The following AGAP1 variants were observed in gnomAD, a reference collection of about 807,000 sequenced individuals.
AGAP1 encodes arf-GAP with GTPase, ANK repeat and PH domain-containing protein 1.
Under a neutral mutation model 105.3 loss-of-function variants are expected in AGAP1, and 29 were observed. That is an observed-to-expected ratio of 0.28 (90% CI 0.21 to 0.38). The LOEUF is 0.38. Ranked by LOEUF, AGAP1 falls within the 10% of genes least tolerant of loss-of-function variation. The probability of loss-of-function intolerance (pLI) is 1.00; values close to 1 mark genes in which losing one functional copy is unlikely to be tolerated. For missense variants in AGAP1, 998 were observed against 1,165.1 expected, an observed-to-expected ratio of 0.86 and a Z score of 2.09; for synonymous variants, 509 against 485.9, an observed-to-expected ratio of 1.05 and a Z score of -0.63.
At chr2:235,975,411 G>A (rs188412055) in intron 13 of AGAP1, among the ~76,000 whole-genome samples, 5 of 152,236 alleles carry the variant, frequency 3.3e-5, no homozygotes, top group Admixed American at 1.3e-4. Flanking sequence ...GTAACCATCC[G>A]GTTAGATGGA....
chr2:236,068,797 CAAAAAAA>C (rs35724496), intron 16 of AGAP1, among the ~76,000 whole-genome samples: 11 of 57,592 alleles, frequency 1.9e-4, no homozygotes, highest in South Asian at 6.5e-4. Context: ...GACTCCGTCT[CAAAAAAA>C]AAAAAAAAAA....
intron 16 of AGAP1, among the ~76,000 whole-genome samples, chr2:236,091,840 G>A (rs922096964): frequency 3.9e-5 from 6 of 152,162 alleles, no homozygotes; most frequent in Admixed American, 1.3e-4. Flanking sequence ...GGCGTTGTTC[G>A]TAAGAGCCCA....
chr2:235,568,606 G>A (rs1170511548), intron 1 of AGAP1, among the ~76,000 whole-genome samples: 1 of 152,150 alleles, frequency 6.6e-6, no homozygotes, highest in Non-Finnish European at 1.5e-5. Context: ...CTGGCTCAGT[G>A]CCGGTTGTAA....
chr2:235,616,861 C>T (rs1283161634), intron 1 of AGAP1, among the ~76,000 whole-genome samples: 3 of 152,154 alleles, frequency 2.0e-5, no homozygotes, highest in Non-Finnish European at 4.4e-5. Flanking sequence ...TGTTGCTTCG[C>T]TGAAGTGAGG....
rs548454522 is a variant in AGAP1, at chr2:235,552,044, T to C, written c.163+57195T>C. Among the ~76,000 whole-genome samples the C allele has an allele frequency of 1.0e-3, 155 of 152,320 alleles. 2 individuals are homozygous for C. The highest frequency in any genetic ancestry group is 3.6e-3 in the African/African-American group (150 of 41,570). ...TTTTTCTCTGGTCCCTGCCACCTGC[T>C]GGAAGGAGCCTGCAGGGAACTGTTT... On this transcript the variant is annotated intron_variant, in intron 1 of 17. Transcript: ENST00000304032. The surrounding 1 kb of genome is among the most constrained non-coding windows in gnomAD (Gnocchi z 5.9).
rs1034620846 is a variant in AGAP1, at chr2:235,908,222, C to G, written c.1156-516C>G. ...CCAAGGCCTAGAAAGCCAGATACCC[C>G]TTGGACATCTTCCTGGTTCTTAGCA... On this transcript the variant is annotated intron_variant, in intron 10 of 17. Transcript: ENST00000304032. The surrounding 1 kb of genome is among the most constrained non-coding windows in gnomAD (Gnocchi z 4.4). Among the ~76,000 whole-genome samples, 26 of 152,176 alleles carry G rather than the reference C, an allele frequency of 1.7e-4. No individual in the cohort carries two copies. Among genetic ancestry groups the G allele is most frequent in the African/African-American group, 6.3e-4 (26 of 41,444 alleles).
In AGAP1 at chr2:235,599,818, C is replaced by T. The variant is rs187886009; in HGVS notation, c.163+104969C>T. Among the ~76,000 whole-genome samples, 7 of 152,314 alleles carry T rather than the reference C, an allele frequency of 4.6e-5. No homozygotes were observed. Among genetic ancestry groups the T allele is most frequent in the Admixed American group, 2.6e-4 (4 of 15,304 alleles). On this transcript the variant is annotated intron_variant, in intron 1 of 17. Coordinates refer to ENST00000304032, the MANE Select transcript of AGAP1 (RefSeq NM_001037131.3). The surrounding 1 kb of genome is among the most constrained non-coding windows in gnomAD (Gnocchi z 5.3). ...CAGGGCTGGGAAGATGAGCAGGGAT[C>T]CTGGGATGTGATGGCACGGTCAGTC...
chr2:235,601,751 G>A lies in AGAP1; in HGVS notation c.163+106902G>A, dbSNP rs1225826845. On this transcript the variant is annotated intron_variant, in intron 1 of 17. Transcript: ENST00000304032. The surrounding 1 kb of genome is among the most constrained non-coding windows in gnomAD (Gnocchi z 4.4). Reference sequence around the variant, plus strand: ...TCACACTTGTAATCTCAGTGCTGAGGCGGGAGGATCACTGGAGGCCAGGAG... The same window carrying A: ...TCACACTTGTAATCTCAGTGCTGAGACGGGAGGATCACTGGAGGCCAGGAG... Among the ~76,000 whole-genome samples the A allele has an allele frequency of 6.6e-6, 1 of 152,176 alleles. No individual in the cohort carries two copies. The highest frequency in any genetic ancestry group is 6.5e-5 in the Admixed American group (1 of 15,272).
At position 235,732,413 on chromosome 2, in the gene AGAP1, AT is replaced by A. The variant is rs1471112671; in HGVS notation, c.311-8546del. Among the ~76,000 whole-genome samples the A allele has an allele frequency of 1.3e-5, 2 of 151,948 alleles. No homozygotes were observed. The highest frequency in any genetic ancestry group is 4.8e-5 in the African/African-American group (2 of 41,354). ...TTGATCCTCAGATCTGGACGTTTCC[AT>A]TTTATCTCATATTGTTTCAAATTCT... On this transcript the variant is annotated intron_variant, in intron 3 of 17. Coordinates refer to ENST00000304032, the MANE Select transcript of AGAP1 (RefSeq NM_001037131.3). The surrounding 1 kb of genome is among the most constrained non-coding windows in gnomAD (Gnocchi z 4.8).
chr2:235,585,812 T>A (rs1212294647), intron 1 of AGAP1, among the ~76,000 whole-genome samples: 1 of 152,208 alleles, frequency 6.6e-6, no homozygotes, highest in East Asian at 1.9e-4. Flanking sequence ...CTTCTGCTGC[T>A]GTGTTGGCTC....
At chr2:235,774,208 C>T (rs1446428333) in intron 6 of AGAP1, 1 of 392,296 alleles carries the variant, frequency 2.5e-6, no homozygotes, top group Non-Finnish European at 5.1e-6. Context: ...TAAAGTATGG[C>T]ACATCTATAA....
In AGAP1 at chr2:235,685,678, G is replaced by A. The variant is rs530593119; in HGVS notation, c.164-23501G>A. Among the ~76,000 whole-genome samples, 11 of 151,974 alleles carry A rather than the reference G, an allele frequency of 7.2e-5. No individual in the cohort carries two copies. The South Asian group carries it at 1.9e-3, about 26-fold the overall frequency. On this transcript the variant is annotated intron_variant, in intron 1 of 17. Transcript: ENST00000304032. ...TCATGCCATATTGTTAGCACCTTTC[G>A]ATTTTTTTTACTGTAAAAATCAAAA...
At chr2:235,629,879 A>G (rs1277233784) in intron 1 of AGAP1, among the ~76,000 whole-genome samples, 28 of 151,214 alleles carry the variant, frequency 1.9e-4, no homozygotes, top group Non-Finnish European at 1.0e-4. Context: ...AAAAAAAAAA[A>G]AAAAGAAAGA....
intron 9 of AGAP1, among the ~76,000 whole-genome samples, chr2:235,836,136 T>G (rs545313468): frequency 1.3e-5 from 2 of 152,352 alleles, no homozygotes; most frequent in African/African-American, 4.8e-5. Flanking sequence ...ATTAACAAAT[T>G]GATTTACATA....
At chr2:235,749,312 A>G (rs1416431976) in intron 5 of AGAP1, among the ~76,000 whole-genome samples, 2 of 151,240 alleles carry the variant, frequency 1.3e-5, no homozygotes, top group African/African-American at 2.4e-5. Context: ...TCCACGTGCC[A>G]CTGTAACTCA....
Position 235,990,484 on chromosome 2 carries a change from G to A in AGAP1, c.1645+21861G>A, listed in dbSNP as rs73118073. Among the ~76,000 whole-genome samples, 1,007 of 152,352 alleles carry A rather than the reference G, an allele frequency of 6.6e-3. 13 individuals carry two copies. The highest frequency in any genetic ancestry group is 0.023 in the African/African-American group (950 of 41,592). On this transcript the variant is annotated intron_variant, in intron 13 of 17. Transcript: ENST00000304032. ...GTCACTCGTGTGTTTGATGGTTGAT[G>A]CTGCCTGTTGGGTGGGACCTAAGCT...
chr2:235,979,547 C>T lies in AGAP1; in HGVS notation c.1645+10924C>T, dbSNP rs1165468980. Among the ~76,000 whole-genome samples the T allele has an allele frequency of 1.3e-5, 2 of 152,198 alleles. No individual in the cohort carries two copies. Among genetic ancestry groups the T allele is most frequent in the Admixed American group, 6.5e-5 (1 of 15,282 alleles). Reference sequence around the variant, plus strand: ...CTGGCTTTCCACTCCACCCCTTTCTCATCTCAGACATACCATAGGCACCAA... The same window carrying T: ...CTGGCTTTCCACTCCACCCCTTTCTTATCTCAGACATACCATAGGCACCAA... On this transcript the variant is annotated intron_variant, in intron 13 of 17. Transcript: ENST00000304032. The surrounding 1 kb of genome is among the most constrained non-coding windows in gnomAD (Gnocchi z 4.5).
At chr2:235,562,583 A>C (rs189158797) in intron 1 of AGAP1, among the ~76,000 whole-genome samples, 1 of 152,094 alleles carries the variant, frequency 6.6e-6, no homozygotes, top group African/African-American at 2.4e-5. Flanking sequence ...TGGCAGACTC[A>C]GGACTATCTC....
At chr2:235,844,045 TCA>T (rs1961178344) in intron 9 of AGAP1, among the ~76,000 whole-genome samples, 2 of 152,082 alleles carry the variant, frequency 1.3e-5, no homozygotes, top group African/African-American at 4.8e-5. Context: ...CCACCCAGGC[TCA>T]GTCTTGGCCC....
Sources: allele counts gnomAD v4.1 joint callset (sites outside exome capture counted in the v4.1 genomes callset), GRCh38; gene constraint gnomAD v4.1.1; non-coding constraint Gnocchi (gnomAD v3.1); transcripts MANE v1.5; gene names NCBI Gene and HGNC (gene_info 2026-07-23, HGNC 2026-07-21).